The following DNAH9 variants were observed in gnomAD, a reference collection of about 807,000 sequenced individuals.
DNAH9 encodes DNAH9 variant protein.
Under a neutral mutation model 471.6 loss-of-function variants are expected in DNAH9, and 345 were observed. The observed-to-expected ratio is 0.73, with a 90% CI of 0.67 to 0.80. DNAH9 has a LOEUF of 0.80. Ranked by LOEUF, DNAH9 falls within the 30% of genes least tolerant of loss-of-function variation. The pLI is 0.00. For synonymous variants in DNAH9, 2,093 were observed against 2,123.6 expected, an observed-to-expected ratio of 0.99 and a Z score of 0.40; for missense variants, 5,407 against 5,609.2, an observed-to-expected ratio of 0.96 and a Z score of 1.15.
chr17:11,775,833 C>A (rs1344294080), intron 38 of DNAH9, among the ~76,000 whole-genome samples: 2 of 152,012 alleles, frequency 1.3e-5, no homozygotes, highest in African/African-American at 4.8e-5. Context: ...ACCTCGTGAT[C>A]CGCCCGCCTC....
At chr17:11,931,749 A>G (rs1343964739) in intron 63 of DNAH9, among the ~76,000 whole-genome samples, 3 of 152,256 alleles carry the variant, frequency 2.0e-5, no homozygotes, top group Non-Finnish European at 2.9e-5. Context: ...CAGCTACATT[A>G]GTGAACTTTA....
Position 11,783,400 on chromosome 17 carries a change from C to G in DNAH9, c.7719-246C>G, listed in dbSNP as rs560876592. On this transcript the variant is annotated intron_variant, in intron 39 of 68. Transcript: ENST00000262442. Reference sequence around the variant, plus strand: ...CTTTGCCTTTTGGTATGGCACGAACCCCTGATTTTTCTCCTATCTTTTTGT... The same window carrying G: ...CTTTGCCTTTTGGTATGGCACGAACGCCTGATTTTTCTCCTATCTTTTTGT... 6.6e-5 allele frequency among the ~76,000 whole-genome samples: 10 copies of G among 152,256 alleles called. No individual in the cohort carries two copies. In the East Asian group the frequency reaches 1.7e-3, roughly 26 times the overall value.
intron 59 of DNAH9, among the ~76,000 whole-genome samples, chr17:11,897,062 G>A (rs768202913): frequency 3.9e-5 from 6 of 152,294 alleles, no homozygotes; most frequent in Middle Eastern, 6.8e-3. Context: ...GCTCCAGCCT[G>A]GATGGCAAGA....
intron 17 of DNAH9, among the ~76,000 whole-genome samples, chr17:11,679,338 C>T (rs2150739741): frequency 6.6e-6 from 1 of 152,342 alleles, no homozygotes; most frequent in East Asian, 1.9e-4. Context: ...CAAAGCAATG[C>T]TATCGCAAGC....
In DNAH9 at chr17:11,784,258, G is replaced by A. The variant is rs76548732; in HGVS notation, c.7822-42G>A. The A allele has an allele frequency of 7.2e-3, 11,567 of 1,608,028 alleles. 56 individuals carry two copies. Among genetic ancestry groups the A allele is most frequent in the Non-Finnish European group, 9.2e-3 (10,817 of 1,174,954 alleles). On this transcript the variant is annotated intron_variant, in intron 40 of 68. Coordinates refer to ENST00000262442, the MANE Select transcript of DNAH9 (RefSeq NM_001372.4). ...ATTCAGAAGCGGTGATTTCTACTCC[G>A]TGGTAACGGATGTTGAGCTCATGCC... is the stretch of plus-strand genomic sequence containing the variant.
At chr17:11,780,686 C>G (rs1347626673) in intron 38 of DNAH9, among the ~76,000 whole-genome samples, 1 of 152,142 alleles carries the variant, frequency 6.6e-6, no homozygotes, top group Non-Finnish European at 1.5e-5. Context: ...GCCTTGGTTT[C>G]CTCATCTGTA....
rs1972267030 is a variant in DNAH9, at chr17:11,871,687, A to C, written c.10143A>C (p.Leu3381Phe). The change falls in exon 52 of 69, where the codon TTA (leucine) becomes TTC (phenylalanine). Residue 3381 changes from leucine (L) to phenylalanine (F), a missense_variant. Transcript: ENST00000262442. ...QQERTLCGDI[L>F]LITAFISYLG... is the part of the protein sequence containing the mutation. ...AAAGGACGTTATGTGGAGACATTTT[A>C]CTTATAACGGCTTTCATTTCCTACC... 7.4e-6 allele frequency: 12 copies of C among 1,614,166 alleles called. No individual in the cohort carries two copies. Among genetic ancestry groups the C allele is most frequent in the Non-Finnish European group, 1.0e-5 (12 of 1,180,016 alleles).
intron 33 of DNAH9, 21 bp downstream of exon 33, chr17:11,752,981 C>T: frequency 3.2e-6 from 5 of 1,543,666 alleles, no homozygotes; most frequent in Non-Finnish European, 4.4e-6. Flanking sequence ...GGGGGATATC[C>T]CTAGATCATT....
intron 32 of DNAH9, among the ~76,000 whole-genome samples, chr17:11,750,194 AG>A (rs1227587823): frequency 6.6e-6 from 1 of 152,118 alleles, no homozygotes; most frequent in Non-Finnish European, 1.5e-5. Context: ...GTGCTTTGGG[AG>A]GCCAAGATGG....
In DNAH9 at chr17:11,598,796, G is replaced by C. The variant is rs2072317131; in HGVS notation, c.298G>C (p.Ala100Pro). ...TGAGTCGGGCCTGGCTGGCGCTAAG[G>C]CGCTTTTTTTCCTTCGCACCGGGCC... Reference protein sequence around the residue: ...GPESGLAGAKALFFLRTGPEP... With the variant: ...GPESGLAGAKPLFFLRTGPEP... Residue 100 changes from alanine to proline, a missense_variant, in exon 1 of 69, where the codon GCG (alanine) becomes CCG (proline). Ala to Pro is a conservative substitution (Grantham distance 27). Around this residue, in one of 3 missense-constraint regions of DNAH9, gnomAD observed 767 missense variants for 692.5 expected, o/e 1.11. Coordinates refer to ENST00000262442, the MANE Select transcript of DNAH9 (RefSeq NM_001372.4). The C allele has an allele frequency of 1.4e-6, 2 of 1,479,574 alleles. No homozygotes were observed. The highest frequency in any genetic ancestry group is 1.5e-5 in the African/African-American group (1 of 68,360). 91.7% of individuals were successfully genotyped at this position (1,479,574 alleles called of 1,614,324 possible). A position where few individuals can be genotyped will look rare whatever the true frequency, so the allele number is the denominator to read the frequency against.
intron 14 of DNAH9, among the ~76,000 whole-genome samples, chr17:11,653,471 T>G (rs2073558835): frequency 6.6e-6 from 1 of 152,168 alleles, no homozygotes; most frequent in Admixed American, 6.5e-5. Context: ...AGTGCTACAC[T>G]TCATGCTGTA....
intron 52 of DNAH9, among the ~76,000 whole-genome samples, chr17:11,872,286 GCTT>G (rs1972298470): frequency 6.6e-6 from 1 of 151,964 alleles, no homozygotes; most frequent in Non-Finnish European, 1.5e-5. Context: ...CTGCTCACAT[GCTT>G]CTTATTTGGG....
At chr17:11,752,150 C>A (rs193025241) in intron 32 of DNAH9, among the ~76,000 whole-genome samples, 18 of 152,282 alleles carry the variant, frequency 1.2e-4, no homozygotes, top group Non-Finnish European at 2.1e-4. Context: ...TCATAAAAAT[C>A]AATTCTGCCC....
intron 50 of DNAH9, among the ~76,000 whole-genome samples, chr17:11,859,411 CAAAAAAA>C (rs34446360): frequency 3.8e-5 from 5 of 131,474 alleles, no homozygotes; most frequent in African/African-American, 8.5e-5. Flanking sequence ...GACTCCGTCT[CAAAAAAA>C]AAAAAAAAAA....
chr17:11,859,574 G>A (rs1242727837), intron 50 of DNAH9, among the ~76,000 whole-genome samples: 2 of 152,152 alleles, frequency 1.3e-5, no homozygotes. Context: ...ACCTGAGGCT[G>A]GGTAATTTGT....
chr17:11,889,937 G>A (rs1972998723), intron 57 of DNAH9, among the ~76,000 whole-genome samples: 1 of 152,202 alleles, frequency 6.6e-6, no homozygotes, highest in Admixed American at 6.5e-5. Context: ...CAGCACCAGA[G>A]CTGTTCCGAC....
At chr17:11,813,197 A>G (rs1168682228) in intron 45 of DNAH9, among the ~76,000 whole-genome samples, 1 of 151,802 alleles carries the variant, frequency 6.6e-6, no homozygotes, top group Non-Finnish European at 1.5e-5. Context: ...AAAGTCATGG[A>G]GTTTTAGGCC....
rs1268702300 is a variant in DNAH9, at chr17:11,768,404, T to G, written c.7171-49T>G. 5.0e-6 allele frequency: 8 copies of G among 1,586,126 alleles called. No homozygotes were observed. The Admixed American group carries it at 5.1e-5, about 10-fold the overall frequency. On this transcript the variant is annotated intron_variant, in intron 36 of 68. Coordinates refer to ENST00000262442, the MANE Select transcript of DNAH9 (RefSeq NM_001372.4). ...TGACGCCGTGGCCTCCTGTGTGGGC[T>G]TCTTGAGTTCTGGAGGACCTTGTCC...
chr17:11,622,968 CTTTTTTTT>C (rs10551080), intron 6 of DNAH9, among the ~76,000 whole-genome samples: 65 of 105,384 alleles, frequency 6.2e-4, no homozygotes, highest in African/African-American at 2.1e-3. Flanking sequence ...TTTTCTTTTT[CTTTTTTTT>C]TTTTTTTTTT....
Sources: gnomAD v4.1 joint callset for allele counts (sites outside exome capture counted in the v4.1 genomes callset) on GRCh38, gnomAD v4.1.1 for gene constraint, gnomAD v4.1.1 regional missense constraint, MANE v1.5 for transcripts, NCBI Gene and HGNC (gene_info 2026-07-23, HGNC 2026-07-21) for gene names.